PIGC: variants seen among roughly 807,000 people sequenced by gnomAD.
PIGC encodes the protein phosphatidylinositol glycan anchor biosynthesis class C.
PIGC carries 14 observed loss-of-function variants against 20.9 expected under a neutral mutation model. The observed-to-expected ratio is 0.67, with a 90% CI of 0.44 to 1.05. The LOEUF (loss-of-function observed/expected upper bound fraction) is 1.05, where lower values mean the gene tolerates loss of function less well. Among genes scored for constraint, PIGC ranks in the 50% least tolerant of loss-of-function variants. PIGC has a pLI of 0.00. For synonymous variants in PIGC, 132 were observed against 141.4 expected, an observed-to-expected ratio of 0.93 and a Z score of 0.47; for missense variants, 310 against 360.9, an observed-to-expected ratio of 0.86 and a Z score of 1.14.
chr1:172,443,834 C>G (rs1647636842), intron 1 of PIGC, 154 bp downstream of exon 1: 1 of 409,264 alleles, frequency 2.4e-6, no homozygotes, highest in African/African-American at 2.2e-5. Context: ...GTAGGGTGAC[C>G]CCAGGGTGCG....
In PIGC at chr1:172,442,492, C is replaced by T. The variant is rs1392869454; in HGVS notation, c.131G>A (p.Arg44Gln). The change falls in exon 2 of 2, where the codon CGG becomes CAG. Residue 44 changes from arginine (R) to glutamine (Q), a missense_variant. Arg to Gln is a conservative substitution (Grantham distance 43). Coordinates refer to ENST00000344529, the MANE Select transcript of PIGC (RefSeq NM_153747.2). ...TACCACAGCCCAATATTGGTATTTC[C>T]GAGCATGGATGTTTTTCCGGAGCTC... is the stretch of plus-strand genomic sequence containing the variant. ...LEELRKNIHA[R>Q]KYQYWAVVFE... is the part of the protein sequence containing the mutation. 1.7e-5 allele frequency: 28 copies of T among 1,614,052 alleles called. No individual in the cohort carries two copies. Among genetic ancestry groups the T allele is most frequent in the Middle Eastern group, 1.6e-4 (1 of 6,084 alleles).
chr1:172,441,717 G>A lies in PIGC; in HGVS notation c.*12C>T. 1 of 1,527,128 alleles carries A rather than the reference G, an allele frequency of 6.5e-7. No individual in the cohort carries two copies. The highest frequency in any genetic ancestry group is 2.0e-4 in the Middle Eastern group (1 of 5,072). 94.6% of individuals were successfully genotyped at this position (1,527,128 alleles called of 1,614,324 possible). ...TATCAGCTTGCTTTAATAATGTAAT[G>A]GATGTCCTAATTTAACTGAGGAACC... On this transcript the variant is annotated 3_prime_UTR_variant, in exon 2 of 2. Coordinates refer to ENST00000344529, the MANE Select transcript of PIGC (RefSeq NM_153747.2).
chr1:172,441,998 T>C lies in PIGC; in HGVS notation c.625A>G (p.Ile209Val). 2 of 1,614,050 alleles carry C rather than the reference T, an allele frequency of 1.2e-6. No homozygotes were observed. The highest frequency in any genetic ancestry group is 1.7e-6 in the Non-Finnish European group (2 of 1,180,018). ...AFIMVTFAIQIFALWPMLQKK... is the reference protein window; with the variant it reads ...AFIMVTFAIQVFALWPMLQKK... ...TGCAACATGGGCCACAGGGCAAAAA[T>C]CTGAATGGCAAATGTCACCATGATG... Residue 209 changes from isoleucine to valine, a missense_variant, in exon 2 of 2, where the codon ATT becomes GTT. Physicochemically the swap from Ile to Val is conservative, Grantham distance 29 (BLOSUM62 3). Coordinates refer to ENST00000344529, the MANE Select transcript of PIGC (RefSeq NM_153747.2).
At position 172,442,416 on chromosome 1, in the gene PIGC, C is replaced by G; in HGVS notation, c.207G>C (p.Val69=). Residue 69 remains valine (V), a synonymous_variant, in exon 2 of 2, where the codon GTG becomes GTC. Transcript: ENST00000344529. Reference sequence around the variant, plus strand: ...CCTCATCCATATACCACCAGATAACCACAAAAACACAAACACTGCACAGCT... The same window carrying G: ...CCTCATCCATATACCACCAGATAACGACAAAAACACAAACACTGCACAGCT... ...IQQLCSVCVF[V]VIWWYMDEGL... The G allele has an allele frequency of 6.2e-7, 1 of 1,614,046 alleles. No individual in the cohort carries two copies. The highest frequency in any genetic ancestry group is 1.1e-5 in the South Asian group (1 of 91,076).
Position 172,442,245 on chromosome 1 carries a change from G to A in PIGC, c.378C>T (p.Phe126=). ...RWADLKSALV[F]ITFTYGFSPV... The stretch of plus-strand genomic sequence containing the variant: ...GTGAAAACCCATAAGTGAAAGTAAT[G>A]AAGACTAGGGCACTCTTCAGGTCAG... Residue 126 remains phenylalanine, a synonymous_variant, in exon 2 of 2, where the codon TTC becomes TTT. Transcript: ENST00000344529. 6.2e-7 allele frequency: 1 copy of A among 1,613,884 alleles called. No individual in the cohort carries two copies. Among genetic ancestry groups the A allele is most frequent in the Non-Finnish European group, 8.5e-7 (1 of 1,179,904 alleles).
rs1425369700 is a variant in PIGC, at chr1:172,441,545, C to G, written c.*184G>C. 1 of 471,690 alleles carries G rather than the reference C, an allele frequency of 2.1e-6. No individual in the cohort carries two copies. The highest frequency in any genetic ancestry group is 3.7e-6 in the Non-Finnish European group (1 of 273,002). The allele number at this position is 471,690 out of a possible 1,614,324, so 29.2% of individuals were successfully genotyped here. A position where few individuals can be genotyped will look rare whatever the true frequency, so the allele number is the denominator to read the frequency against. ...GGTCCCCAGAAAGTTTTTTCATCTA[C>G]AAAATAACAGAAAGGATAAGCACCC... is the stretch of plus-strand genomic sequence containing the variant. On this transcript the variant is annotated 3_prime_UTR_variant, in exon 2 of 2. Transcript: ENST00000344529.
chr1:172,443,099 A>G (rs1025808556), intron 1 of PIGC: 5 of 169,556 alleles, frequency 2.9e-5, no homozygotes, highest in African/African-American at 1.2e-4. Flanking sequence ...CTTGTAAGTT[A>G]GTATTAGTCC....
chr1:172,442,146 G>A lies in PIGC; in HGVS notation c.477C>T (p.Gly159=), dbSNP rs1387191886. ...CACCATAGTCAAAAAAGATGAGATGGCCTAACAGCATGAAGACTGACATGG... is the reference window on the plus strand; with the variant it reads ...CACCATAGTCAAAAAAGATGAGATGACCTAACAGCATGAAGACTGACATGG... ...IYAMSVFMLL[G]HLIFFDYGAN... Residue 159 remains glycine (G), a synonymous_variant, in exon 2 of 2, where the codon GGC becomes GGT. Coordinates refer to ENST00000344529, the MANE Select transcript of PIGC (RefSeq NM_153747.2). The A allele has an allele frequency of 9.3e-6, 15 of 1,614,184 alleles. No homozygotes were observed. Among genetic ancestry groups the A allele is most frequent in the Middle Eastern group, 3.3e-4 (2 of 6,062 alleles).
rs1647660053 is a variant in PIGC at position 172,444,009 on chromosome 1, C to T, written c.-230G>A. On this transcript the variant is annotated 5_prime_UTR_variant, in exon 1 of 2. Coordinates refer to ENST00000344529, the MANE Select transcript of PIGC (RefSeq NM_153747.2). ...CTACCCGAGAGTTCCTAGGGTTGCG[C>T]AGCTGGGGGACGGCGGCACCCAGCC... The T allele has an allele frequency of 9.0e-6, 9 of 1,000,312 alleles. No homozygotes were observed. The South Asian group carries it at 3.8e-4, about 42-fold the overall frequency. The allele number at this position is 1,000,312 out of a possible 1,614,324, so 62.0% of individuals were successfully genotyped here. A position where few individuals can be genotyped will look rare whatever the true frequency, so the allele number is the denominator to read the frequency against.
chr1:172,443,938 AGAG>A, intron 1 of PIGC, 47 bp downstream of exon 1: 1 of 994,696 alleles, frequency 1.0e-6, no homozygotes, highest in Non-Finnish European at 1.2e-6. Context: ...GGGAGGCAGC[AGAG>A]GAAAAGGAGC....
At position 172,441,932 on chromosome 1, in the gene PIGC, C is replaced by CATAGCT; in HGVS notation, c.690_691insAGCTAT (p.Gly230_Val231insSerTyr). ...GCTGAAAATGCAAAAAGCAGTGTGA[C>CATAGCT]CCCCACATAGCTCCGGGGAGTACAT... is the stretch of plus-strand genomic sequence containing the variant. On this transcript the variant is annotated inframe_insertion, in exon 2 of 2. Coordinates refer to ENST00000344529, the MANE Select transcript of PIGC (RefSeq NM_153747.2). 2 of 1,614,160 alleles carry CATAGCT rather than the reference C, an allele frequency of 1.2e-6. No homozygotes were observed. The highest frequency in any genetic ancestry group is 1.7e-6 in the Non-Finnish European group (2 of 1,180,010).
chr1:172,443,698 G>T (rs1282865083), intron 1 of PIGC: 2 of 167,128 alleles, frequency 1.2e-5, no homozygotes, highest in African/African-American at 4.8e-5. Flanking sequence ...GCCAGACACC[G>T]TTACCCCCTC....
In PIGC at chr1:172,441,815, T is replaced by A; in HGVS notation, c.808A>T (p.Ile270Phe). 1.9e-6 allele frequency: 3 copies of A among 1,612,664 alleles called. No individual in the cohort carries two copies. Among genetic ancestry groups the A allele is most frequent in the Non-Finnish European group, 2.5e-6 (3 of 1,179,304 alleles). Reference protein sequence around the residue: ...SISCLCPFYLIRLQLFKENIH... With the variant: ...SISCLCPFYLFRLQLFKENIH... ...TTTTCTTTAAAAAGCTGCAAGCGAATGAGGTAGAATGGACACAGACATGAG... is the reference window on the plus strand; with the variant it reads ...TTTTCTTTAAAAAGCTGCAAGCGAAAGAGGTAGAATGGACACAGACATGAG... Residue 270 changes from isoleucine (I) to phenylalanine (F), a missense_variant, in exon 2 of 2, where the codon ATT becomes TTT. Transcript: ENST00000344529.
chr1:172,442,143 A>T lies in PIGC; in HGVS notation c.480T>A (p.His160Gln). The stretch of plus-strand genomic sequence containing the variant: ...TGGCACCATAGTCAAAAAAGATGAG[A>T]TGGCCTAACAGCATGAAGACTGACA... ...YAMSVFMLLG[H>Q]LIFFDYGANA... The change falls in exon 2 of 2, where the codon CAT becomes CAA. Residue 160 changes from histidine to glutamine, a missense_variant. Coordinates refer to ENST00000344529, the MANE Select transcript of PIGC (RefSeq NM_153747.2). 6.2e-7 allele frequency: 1 copy of T among 1,614,192 alleles called. No individual in the cohort carries two copies. The highest frequency in any genetic ancestry group is 8.5e-7 in the Non-Finnish European group (1 of 1,180,030).
Position 172,444,033 on chromosome 1 carries a change from C to G in PIGC, c.-254G>C, listed in dbSNP as rs1420693150. 13 of 1,000,046 alleles carry G rather than the reference C, an allele frequency of 1.3e-5. No homozygotes were observed. The highest frequency in any genetic ancestry group is 1.4e-5 in the Non-Finnish European group (12 of 830,246). 61.9% of individuals were successfully genotyped at this position (1,000,046 alleles called of 1,614,324 possible). A position where few individuals can be genotyped will look rare whatever the true frequency, so the allele number is the denominator to read the frequency against. On this transcript the variant is annotated 5_prime_UTR_variant, in exon 1 of 2. Transcript: ENST00000344529. ...GCAGCTGGGGGACGGCGGCACCCAG[C>G]CTTTTTCCCGCTTCGGGGCGCCGGG...
chr1:172,442,511 G>T lies in PIGC; in HGVS notation c.112C>A (p.Arg38=). Residue 38 remains arginine (R), a synonymous_variant, in exon 2 of 2, where the codon CGG becomes AGG. Transcript: ENST00000344529. The part of the protein sequence containing the change: ...YVDRRFLEEL[R]KNIHARKYQY... The stretch of plus-strand genomic sequence containing the variant: ...TATTTCCGAGCATGGATGTTTTTCC[G>T]GAGCTCTTCCAGGAATCGCCGGTCC... 1 of 1,614,136 alleles carries T rather than the reference G, an allele frequency of 6.2e-7. No homozygotes were observed. The highest frequency in any genetic ancestry group is 8.5e-7 in the Non-Finnish European group (1 of 1,180,024).
At position 172,442,348 on chromosome 1, in the gene PIGC, G is replaced by T. The variant is rs372888143; in HGVS notation, c.275C>A (p.Ser92Tyr). ...AAACAAAACATACCCAATCAGTGAA[G>T]AAGCCAGACCAGTCCCTAAAAGCCA... is the stretch of plus-strand genomic sequence containing the variant. Reference protein sequence around the residue: ...PHWLLGTGLASSLIGYVLFDL... With the variant: ...PHWLLGTGLAYSLIGYVLFDL... Residue 92 changes from serine (S) to tyrosine (Y), a missense_variant, in exon 2 of 2, where the codon TCT becomes TAT. By Grantham distance (144) the Ser-to-Tyr change is moderately radical (BLOSUM62 -2). Transcript: ENST00000344529. 19 of 1,613,024 alleles carry T rather than the reference G, an allele frequency of 1.2e-5. No homozygotes were observed. Among genetic ancestry groups the T allele is most frequent in the Non-Finnish European group, 1.4e-5 (16 of 1,180,032 alleles).
At position 172,441,685 on chromosome 1, in the gene PIGC, G is replaced by T; in HGVS notation, c.*44C>A. On this transcript the variant is annotated 3_prime_UTR_variant, in exon 2 of 2. Coordinates refer to ENST00000344529, the MANE Select transcript of PIGC (RefSeq NM_153747.2). ...CTTTAAGTTCTATACTAGTTAGGAG[G>T]CTAATCTATCAGCTTGCTTTAATAA... 1.4e-6 allele frequency: 2 copies of T among 1,437,916 alleles called. No homozygotes were observed. The highest frequency in any genetic ancestry group is 1.9e-6 in the Non-Finnish European group (2 of 1,063,576). 89.1% of individuals were successfully genotyped at this position (1,437,916 alleles called of 1,614,324 possible). A position where few individuals can be genotyped will look rare whatever the true frequency, so the allele number is the denominator to read the frequency against.
chr1:172,443,398 A>G (rs1647555285), intron 1 of PIGC: 1 of 166,974 alleles, frequency 6.0e-6, no homozygotes, highest in African/African-American at 2.4e-5. Context: ...GACAATAGTA[A>G]GCTGCACCAT....
Sources: gnomAD v4.1 joint callset for allele counts on GRCh38, gnomAD v4.1.1 for gene constraint, MANE v1.5 for transcripts, NCBI Gene and HGNC (gene_info 2026-07-23, HGNC 2026-07-21) for gene names.